Variants in CNBD1 observed in about 807,000 individuals in gnomAD.
CNBD1 encodes the protein cyclic nucleotide-binding domain-containing protein 1.
Under a neutral mutation model 54.4 loss-of-function variants are expected in CNBD1, and 71 were observed. That is an observed-to-expected ratio of 1.30 (90% CI 1.08 to 1.59). The LOEUF is 1.59. Among genes scored for constraint, CNBD1 ranks in the 40% most tolerant of loss-of-function variants. The pLI is 0.00. For missense variants in CNBD1, 659 were observed against 518.0 expected (o/e 1.27, Z -2.64); for synonymous variants, 182 against 170.7 (o/e 1.07, Z -0.51).
At chr8:87,390,088 A>G (rs1303667972) in intron 2 of CNBD1, among the ~76,000 whole-genome samples, 3 of 151,068 alleles carry the variant, frequency 2.0e-5, no homozygotes, top group Non-Finnish European at 4.4e-5. Flanking sequence ...ACCTTATACA[A>G]AAATTAATTC....
chr8:86,990,679 TTTG>T (rs773467297), intron 4 of CNBD1, among the ~76,000 whole-genome samples: 1 of 152,128 alleles, frequency 6.6e-6, no homozygotes, highest in Non-Finnish European at 1.5e-5. Flanking sequence ...TTCTGGGTCT[TTTG>T]TTGTTTCATA....
rs1185789566 is a variant in CNBD1, at chr8:87,337,844, C to A, written c.1043-13841C>A. Among the ~76,000 whole-genome samples, 6 of 152,254 alleles carry A rather than the reference C, an allele frequency of 3.9e-5. No individual in the cohort carries two copies. The East Asian group carries it at 9.7e-4, about 25-fold the overall frequency. ...ACCTGAATACCTCGGTTGCTGGGTG[C>A]AGGATTTGCATGCTGCTTTGTATCT... On this transcript the variant is annotated intron_variant, in intron 8 of 10. Transcript: ENST00000518476.
At chr8:87,086,426 G>A (rs1288125266) in intron 4 of CNBD1, among the ~76,000 whole-genome samples, 4 of 152,166 alleles carry the variant, frequency 2.6e-5, no homozygotes, top group African/African-American at 9.7e-5. Context: ...TAGAAGGTGG[G>A]AGAGGCATTC....
In CNBD1 at chr8:87,027,714, C is replaced by T. The variant is rs563802034; in HGVS notation, c.431+87960C>T. 9.8e-5 allele frequency among the ~76,000 whole-genome samples: 15 copies of T among 152,342 alleles called. No individual in the cohort carries two copies. The South Asian group carries it at 2.3e-3, about 23-fold the overall frequency. On this transcript the variant is annotated intron_variant, in intron 4 of 10. Transcript: ENST00000518476. ...ATAGCAACATAAAAGCCTAAATACA[C>T]GGGACTCCGTCCCACTTTCTCATTC...
intron 8 of CNBD1, among the ~76,000 whole-genome samples, chr8:87,304,450 C>T (rs1044267531): frequency 5.9e-5 from 9 of 151,332 alleles, no homozygotes; most frequent in Non-Finnish European, 1.0e-4. Flanking sequence ...AACACATGGA[C>T]ACAGGAAGGG....
chr8:86,945,550 G>C (rs182647710), intron 4 of CNBD1, among the ~76,000 whole-genome samples: 11 of 152,212 alleles, frequency 7.2e-5, no homozygotes, highest in Admixed American at 2.0e-4. Flanking sequence ...GCTGATCAAA[G>C]AAAAACACTT....
intron 1 of CNBD1, among the ~76,000 whole-genome samples, chr8:86,867,853 A>G (rs1195739779): frequency 6.6e-6 from 1 of 152,200 alleles, no homozygotes; most frequent in East Asian, 1.9e-4. Flanking sequence ...CCTCCCAAGG[A>G]CACTTAACTT....
intron 3 of CNBD1, among the ~76,000 whole-genome samples, chr8:86,906,882 G>A (rs1281565229): frequency 6.6e-6 from 1 of 152,180 alleles, no homozygotes; most frequent in African/African-American, 2.4e-5. Context: ...TAAAACTGTG[G>A]TTTAAATGTG....
intron 4 of CNBD1, among the ~76,000 whole-genome samples, chr8:87,103,381 T>C (rs938841276): frequency 6.6e-6 from 1 of 152,226 alleles, no homozygotes; most frequent in Admixed American, 6.5e-5. Context: ...TGTATGCTTA[T>C]TCCATTTTAC....
chr8:87,057,159 T>C (rs1189230768), intron 4 of CNBD1, among the ~76,000 whole-genome samples: 1 of 152,204 alleles, frequency 6.6e-6, no homozygotes, highest in East Asian at 1.9e-4. Flanking sequence ...TCCTCATGCT[T>C]CTGTGAAGAA....
chr8:87,415,544 T>G (rs943589809), intron 2 of CNBD1, among the ~76,000 whole-genome samples: 7 of 152,070 alleles, frequency 4.6e-5, no homozygotes, highest in African/African-American at 1.7e-4. Context: ...CAGTATTGTT[T>G]ACTCTTCTCA....
chr8:87,215,492 G>A (rs1280163618), intron 5 of CNBD1, among the ~76,000 whole-genome samples: 1 of 151,776 alleles, frequency 6.6e-6, no homozygotes, highest in East Asian at 1.9e-4. Flanking sequence ...AGAGGCTGAG[G>A]CAGGAGAATG....
At chr8:87,039,830 G>A (rs1166429806) in intron 4 of CNBD1, among the ~76,000 whole-genome samples, 3 of 152,098 alleles carry the variant, frequency 2.0e-5, no homozygotes, top group Non-Finnish European at 4.4e-5. Context: ...GTCTCCATAG[G>A]GTTGGAGATG....
intron 5 of CNBD1, among the ~76,000 whole-genome samples, chr8:87,225,345 G>C (rs968706815): frequency 4.0e-5 from 6 of 151,562 alleles, no homozygotes; most frequent in Non-Finnish European, 7.4e-5. Context: ...AATGCTTCCA[G>C]TTTTTGCCCA....
chr8:87,311,636 A>C (rs937273186), intron 8 of CNBD1, among the ~76,000 whole-genome samples: 1 of 152,166 alleles, frequency 6.6e-6, no homozygotes, highest in Non-Finnish European at 1.5e-5. Context: ...GCAAAAGGAC[A>C]CATGCACTTG....
chr8:86,980,639 T>A (rs1437246390), intron 4 of CNBD1, among the ~76,000 whole-genome samples: 1 of 152,208 alleles, frequency 6.6e-6, no homozygotes. Flanking sequence ...GGTTACACTT[T>A]GCCGTGTTTT....
chr8:87,390,769 C>T (rs572823789), intron 2 of CNBD1, among the ~76,000 whole-genome samples: 54 of 152,166 alleles, frequency 3.5e-4, no homozygotes, highest in Non-Finnish European at 7.1e-4. Context: ...ATAAAACATG[C>T]TGCTATAAAG....
At chr8:87,286,731 A>T in intron 8 of CNBD1, 60 bp downstream of exon 8, 1 of 1,132,576 alleles carries the variant, frequency 8.8e-7, no homozygotes, top group Non-Finnish European at 1.3e-6. Flanking sequence ...TGGAATTGAA[A>T]TTCTTCATAG....
chr8:87,084,133 C>A (rs1003935132), intron 4 of CNBD1, among the ~76,000 whole-genome samples: 2 of 152,094 alleles, frequency 1.3e-5, no homozygotes, highest in Non-Finnish European at 2.9e-5. Context: ...ATAATTTATA[C>A]CACTGTTTTC....
Sources: gnomAD v4.1 joint callset for allele counts (sites outside exome capture counted in the v4.1 genomes callset) on GRCh38, gnomAD v4.1.1 for gene constraint, MANE v1.5 for transcripts, NCBI Gene and HGNC (gene_info 2026-07-23, HGNC 2026-07-21) for gene names.